The following RCBTB1 variants were observed in gnomAD, a reference collection of about 807,000 sequenced individuals.
RCBTB1 encodes the protein RCC1 and BTB domain containing protein 1, also known as RCC1 and BTB domain-containing protein 1.
A neutral mutation model predicts 62.4 loss-of-function variants in RCBTB1; 46 were observed. That is an observed-to-expected ratio of 0.74 (90% CI 0.58 to 0.94). The LOEUF (loss-of-function observed/expected upper bound fraction) is 0.94, where lower values mean the gene tolerates loss of function less well. RCBTB1 is among the 40% of genes least tolerant of loss of function. The pLI is 0.00. For missense variants in RCBTB1, 565 were observed against 654.9 expected, an observed-to-expected ratio of 0.86 and a Z score of 1.50; for synonymous variants, 222 against 245.8, an observed-to-expected ratio of 0.90 and a Z score of 0.91.
At chr13:49,578,291 C>G (rs1272854124) in intron 2 of RCBTB1, among the ~76,000 whole-genome samples, 3 of 152,150 alleles carry the variant, frequency 2.0e-5, no homozygotes, top group African/African-American at 7.2e-5. Context: ...ACGTTTATTG[C>G]TTGGGGAATA....
chr13:49,565,787 G>A (rs531802341), intron 4 of RCBTB1, among the ~76,000 whole-genome samples: 3 of 152,296 alleles, frequency 2.0e-5, no homozygotes, highest in Admixed American at 6.5e-5. Flanking sequence ...ATTGAGAACA[G>A]GCCATGATGA....
At chr13:49,577,325 G>A (rs994037405) in intron 2 of RCBTB1, among the ~76,000 whole-genome samples, 1 of 152,120 alleles carries the variant, frequency 6.6e-6, no homozygotes. Context: ...TTATTTTACT[G>A]ATCTAGCAAA....
chr13:49,567,619 A>G (rs976645050), intron 2 of RCBTB1, among the ~76,000 whole-genome samples: 1 of 152,210 alleles, frequency 6.6e-6, no homozygotes. Flanking sequence ...AGACCTCTAA[A>G]AACAGCCAAA....
At chr13:49,550,570 TTTCAAGAGCAGATTTA>T (rs1232598041) in intron 8 of RCBTB1, 2 of 285,632 alleles carry the variant, frequency 7.0e-6, no homozygotes, top group Non-Finnish European at 1.1e-5. Flanking sequence ...GATAATGTCC[TTTCAAGAGCAGATTTA>T]TTTAAAAGTT....
chr13:49,573,090 C>T (rs1229646910), intron 2 of RCBTB1, among the ~76,000 whole-genome samples: 16 of 152,194 alleles, frequency 1.1e-4, no homozygotes, highest in Non-Finnish European at 2.4e-4. Flanking sequence ...GCCACCCAAA[C>T]ACGTCATACA....
At chr13:49,554,429 T>C (rs1308431751) in intron 6 of RCBTB1, among the ~76,000 whole-genome samples, 3 of 152,194 alleles carry the variant, frequency 2.0e-5, no homozygotes, top group Non-Finnish European at 2.9e-5. Context: ...AGTCATTTCA[T>C]GATACTGAGA....
Position 49,560,064 on chromosome 13 carries a change from C to T in RCBTB1, c.298G>A (p.Gly100Ser), listed in dbSNP as rs1962313229. The T allele has an allele frequency of 6.2e-7, 1 of 1,613,636 alleles. No individual in the cohort carries two copies. The highest frequency in any genetic ancestry group is 1.3e-5 in the African/African-American group (1 of 74,818). Residue 100 changes from glycine (G) to serine (S), a missense_variant, in exon 5 of 13, where the codon GGC becomes AGC. By Grantham distance (56) the Gly-to-Ser change is moderately conservative. Transcript: ENST00000378302. Reference sequence around the variant, plus strand: ...CCAAGCTGGCTATATCCATTGTGGCCCCAGGCATAAACCACTCCATCTGTG... The same window carrying T: ...CCAAGCTGGCTATATCCATTGTGGCTCCAGGCATAAACCACTCCATCTGTG... ...STEDGVVYAW[G>S]HNGYSQLGNG...
In RCBTB1 at chr13:49,544,860, T is replaced by C. The variant is rs541525332; in HGVS notation, c.1049A>G (p.His350Arg). Residue 350 changes from histidine to arginine, a missense_variant, in exon 10 of 13, where the codon CAT (histidine) becomes CGT (arginine). Transcript: ENST00000378302. ...AVSWRLLSVEHEDFLTVAESL... is the reference protein window; with the variant it reads ...AVSWRLLSVEREDFLTVAESL... ...CTCTGCAACTGTTAAAAAGTCTTCA[T>C]GCTCTGAAGGCAACAAACATATATT... 10 of 1,610,116 alleles carry C rather than the reference T, an allele frequency of 6.2e-6. No individual in the cohort carries two copies. Among genetic ancestry groups the C allele is most frequent in the Non-Finnish European group, 8.5e-6 (10 of 1,178,856 alleles).
chr13:49,554,538 G>A (rs9596142), intron 6 of RCBTB1, among the ~76,000 whole-genome samples: 37,199 of 151,894 alleles, frequency 0.24, 5,894 homozygotes, highest in African/African-American at 0.44. Context: ...GCCGCAGGCC[G>A]GTACCAGTCC....
At position 49,551,577 on chromosome 13, in the gene RCBTB1, G is replaced by A. The variant is rs1030171497; in HGVS notation, c.712-109C>T. 9 of 1,227,142 alleles carry A rather than the reference G, an allele frequency of 7.3e-6. 1 individual carries two copies. The highest frequency in any genetic ancestry group is 4.8e-5 in the Admixed American group (2 of 41,810). 76.0% of individuals were successfully genotyped at this position (1,227,142 alleles called of 1,614,324 possible). A position where few individuals can be genotyped will look rare whatever the true frequency, so the allele number is the denominator to read the frequency against. On this transcript the variant is annotated intron_variant, in intron 7 of 12. Coordinates refer to ENST00000378302, the MANE Select transcript of RCBTB1 (RefSeq NM_018191.4). ...CTGCAGAATGCCAAATCATCATCAGGGGTGGACTGACATTTGCTGGAACAT... is the reference window on the plus strand; with the variant it reads ...CTGCAGAATGCCAAATCATCATCAGAGGTGGACTGACATTTGCTGGAACAT...
chr13:49,565,067 C>G (rs940971289), intron 4 of RCBTB1, among the ~76,000 whole-genome samples: 4 of 152,158 alleles, frequency 2.6e-5, no homozygotes, highest in African/African-American at 4.8e-5. Flanking sequence ...GATGCCGAGC[C>G]GAAGCTGGAC....
rs759286286 is a variant in RCBTB1, at chr13:49,552,206, G to A, written c.683C>T (p.Ala228Val). The A allele has an allele frequency of 1.9e-6, 3 of 1,590,030 alleles. No individual in the cohort carries two copies. The highest frequency in any genetic ancestry group is 2.6e-6 in the Non-Finnish European group (3 of 1,167,262). Reference protein sequence around the residue: ...NGNQLTPVRVAALHSVCVNQI... With the variant: ...NGNQLTPVRVVALHSVCVNQI... ...GTTCACACACACGCTGTGCAAAGCT[G>A]CCACTCTCACAGGGGTCAGCTGGTT... Residue 228 changes from alanine to valine, a missense_variant, in exon 7 of 13, where the codon GCA becomes GTA. Ala to Val is a moderately conservative substitution (Grantham distance 64, BLOSUM62 0). Transcript: ENST00000378302.
Position 49,555,663 on chromosome 13 carries a change from C to T in RCBTB1, c.455G>A (p.Trp152Ter). The change falls in exon 6 of 13, where the codon TGG becomes TAG. Residue 152 changes from tryptophan to a stop codon, truncating the protein, a stop_gained. Transcript: ENST00000378302. LOFTEE classifies it high-confidence loss of function. ...ALAADGEVFA[W>*]GYNNCGQVGS... ...CACTTGGCCACAGTTGTTATAACCC[C>T]AAGCAAACACCTACAAGAGAAAGAA... 1 of 1,585,760 alleles carries T rather than the reference C, an allele frequency of 6.3e-7. No homozygotes were observed.
intron 6 of RCBTB1, among the ~76,000 whole-genome samples, chr13:49,553,411 T>C (rs1961553346): frequency 6.6e-6 from 1 of 151,988 alleles, no homozygotes; most frequent in African/African-American, 2.4e-5. Context: ...GGCTCTAAAC[T>C]AAGGAGTGAT....
chr13:49,581,549 G>A (rs1964100185), intron 1 of RCBTB1, among the ~76,000 whole-genome samples: 1 of 152,190 alleles, frequency 6.6e-6, no homozygotes, highest in Non-Finnish European at 1.5e-5. Flanking sequence ...GCTCAAGAAA[G>A]GTCTGGATTG....
rs117255675 is a variant in RCBTB1 at position 49,552,372 on chromosome 13, C to G, written c.604-87G>C. On this transcript the variant is annotated intron_variant, in intron 6 of 12. Transcript: ENST00000378302. ...AAAAAACCAGCCCATCTAAACAAAT[C>G]AGATACTTCCAACACCTATATTCTA... 4,455 of 732,210 alleles carry G rather than the reference C, an allele frequency of 6.1e-3. 17 individuals carry two copies. The highest frequency in any genetic ancestry group is 7.8e-3 in the Non-Finnish European group (3,424 of 438,162). The allele number at this position is 732,210 out of a possible 1,614,324, so 45.4% of individuals were successfully genotyped here. A position where few individuals can be genotyped will look rare whatever the true frequency, so the allele number is the denominator to read the frequency against.
At chr13:49,577,430 A>G (rs1440144657) in intron 2 of RCBTB1, among the ~76,000 whole-genome samples, 2 of 152,264 alleles carry the variant, frequency 1.3e-5, no homozygotes, top group African/African-American at 4.8e-5. Flanking sequence ...AATGTTCTCA[A>G]TATTAAACAA....
chr13:49,565,727 A>G (rs1962929398), intron 4 of RCBTB1, among the ~76,000 whole-genome samples: 3 of 149,616 alleles, frequency 2.0e-5, no homozygotes, highest in Non-Finnish European at 3.0e-5. Context: ...AGAAGTGAGG[A>G]GCCCCTCTGC....
At chr13:49,571,192 CA>C (rs1232955163) in intron 2 of RCBTB1, among the ~76,000 whole-genome samples, 1 of 152,012 alleles carries the variant, frequency 6.6e-6, no homozygotes, top group Non-Finnish European at 1.5e-5. Context: ...ACTAAAAATA[CA>C]AAATTAACCA....
Sources: allele counts gnomAD v4.1 joint callset (sites outside exome capture counted in the v4.1 genomes callset), GRCh38; gene constraint gnomAD v4.1.1; transcripts MANE v1.5; gene names NCBI Gene and HGNC (gene_info 2026-07-23, HGNC 2026-07-21).